MBTPS1: variants seen among roughly 807,000 people sequenced by gnomAD.
MBTPS1 encodes membrane bound transcription factor peptidase, site 1, also known as membrane-bound transcription factor site-1 protease.
MBTPS1 carries 94 observed loss-of-function variants against 127.8 expected under a neutral mutation model. The observed-to-expected ratio is 0.74, with a 90% CI of 0.62 to 0.87. The LOEUF (loss-of-function observed/expected upper bound fraction) is 0.87. Ranked by LOEUF, MBTPS1 falls within the 40% of genes least tolerant of loss-of-function variation. MBTPS1 has a pLI of 0.00. For missense variants in MBTPS1, 1,636 were observed against 1,353.2 expected (o/e 1.21, Z -3.28); for synonymous variants, 632 against 509.4 (o/e 1.24, Z -3.24).
chr16:84,081,927 A>C lies in MBTPS1; in HGVS notation c.1287-19T>G, dbSNP rs759806186. 1.5e-5 allele frequency: 20 copies of C among 1,356,258 alleles called. 1 individual carries two copies. In the South Asian group the frequency reaches 3.8e-4, roughly 26 times the overall value. The allele number at this position is 1,356,258 out of a possible 1,614,324, so 84.0% of individuals were successfully genotyped here. A position where few individuals can be genotyped will look rare whatever the true frequency, so the allele number is the denominator to read the frequency against. On this transcript the variant is annotated intron_variant, in intron 10 of 22. Coordinates refer to ENST00000343411, the MANE Select transcript of MBTPS1 (RefSeq NM_003791.4). The stretch of plus-strand genomic sequence containing the variant: ...GACTGTGCTGGAGGAAAAATCAAGA[A>C]TTGCCTATTTTCTCTCAGTAAAAGA...
intron 20 of MBTPS1, 73 bp from the exon 21 acceptor site, chr16:84,059,501 C>T (rs2085574821): frequency 4.9e-6 from 7 of 1,425,148 alleles, no homozygotes; most frequent in Non-Finnish European, 6.8e-6. Flanking sequence ...AAAGGAGGGC[C>T]TTATTATGAG....
At chr16:84,108,229 GCA>G (rs372441044) in intron 1 of MBTPS1, among the ~76,000 whole-genome samples, 1 of 152,054 alleles carries the variant, frequency 6.6e-6, no homozygotes, top group African/African-American at 2.4e-5. Flanking sequence ...GACAGAGCAT[GCA>G]CACACAGATA....
At chr16:84,099,428 C>T (rs1182620955) in intron 2 of MBTPS1, 118 bp from the exon 3 acceptor site, 20 of 995,352 alleles carry the variant, frequency 2.0e-5, no homozygotes, top group Admixed American at 5.6e-5. Context: ...CCACAGCAGA[C>T]GAGAGAAAAC....
At chr16:84,064,431 T>C (rs2085653360) in intron 18 of MBTPS1, among the ~76,000 whole-genome samples, 1 of 152,164 alleles carries the variant, frequency 6.6e-6, no homozygotes, top group South Asian at 2.1e-4. Context: ...ATAACCCAAA[T>C]TCCTATTTTC....
chr16:84,072,734 G>A (rs1457552144), intron 12 of MBTPS1, among the ~76,000 whole-genome samples: 1 of 152,158 alleles, frequency 6.6e-6, no homozygotes, highest in African/African-American at 2.4e-5. Flanking sequence ...AGCTTGCAGT[G>A]AGCCGAGATC....
chr16:84,116,763 G>GGCCCGGGATAACGGCGCCTCCGC lies in MBTPS1; in HGVS notation c.-376_-354dup, dbSNP rs1191673629. The GGCCCGGGATAACGGCGCCTCCGC allele has an allele frequency of 1.3e-5, 2 of 152,134 alleles. No homozygotes were observed. Among genetic ancestry groups the GGCCCGGGATAACGGCGCCTCCGC allele is most frequent in the Non-Finnish European group, 2.9e-5 (2 of 68,032 alleles). The allele number at this position is 152,134 out of a possible 1,614,324, so 9.4% of individuals were successfully genotyped here. A position where few individuals can be genotyped will look rare whatever the true frequency, so the allele number is the denominator to read the frequency against. On this transcript the variant is annotated 5_prime_UTR_variant, in exon 1 of 23. It removes the in-frame stop codon of an upstream open reading frame in the 5' UTR. Transcript: ENST00000343411. Reference sequence around the variant, plus strand: ...CGCCGCCGGGAGCTCAGGGCCGGCGGGCCCGGGATAACGGCGCCTCCGCGG... The same window carrying GGCCCGGGATAACGGCGCCTCCGC: ...CGCCGCCGGGAGCTCAGGGCCGGCGGGCCCGGGATAACGGCGCCTCCGCGCCCGGGATAACGGCGCCTCCGCGG...
At chr16:84,059,276 G>A (rs566924041) in intron 21 of MBTPS1, 26 bp downstream of exon 21, 1 of 1,602,426 alleles carries the variant, frequency 6.2e-7, no homozygotes. Context: ...CGTGGAAAGA[G>A]TGGAAGGGCA....
intron 18 of MBTPS1, among the ~76,000 whole-genome samples, chr16:84,063,869 G>C (rs2085647119): frequency 6.6e-6 from 1 of 152,160 alleles, no homozygotes; most frequent in Non-Finnish European, 1.5e-5. Context: ...TATGAATACA[G>C]TCATATATAC....
chr16:84,114,139 G>A (rs1355131969), intron 1 of MBTPS1, among the ~76,000 whole-genome samples: 1 of 145,290 alleles, frequency 6.9e-6, no homozygotes, highest in Non-Finnish European at 1.5e-5. Context: ...TAATTTTTTT[G>A]TATTTTAGAG....
At chr16:84,113,428 G>A (rs560613580) in intron 1 of MBTPS1, among the ~76,000 whole-genome samples, 1 of 152,256 alleles carries the variant, frequency 6.6e-6, no homozygotes, top group East Asian at 1.9e-4. Flanking sequence ...TTGACATCAA[G>A]TACTAACTGA....
At chr16:84,065,581 A>C in intron 18 of MBTPS1, 109 bp downstream of exon 18, 1 of 765,188 alleles carries the variant, frequency 1.3e-6, no homozygotes, top group South Asian at 1.5e-5. Context: ...AATTATATGC[A>C]ATAAAGCTTT....
At chr16:84,085,972 G>A (rs1303049473) in intron 9 of MBTPS1, 4 of 152,102 alleles carry the variant, frequency 2.6e-5, no homozygotes, top group Non-Finnish European at 5.9e-5. Context: ...ATAACCACAC[G>A]ACTAACTTGG....
intron 2 of MBTPS1, 144 bp from the exon 3 acceptor site, chr16:84,099,454 A>C: frequency 1.2e-6 from 1 of 829,796 alleles, no homozygotes; most frequent in Non-Finnish European, 1.8e-6. Flanking sequence ...GACTAGTTTA[A>C]GTACCTAGAC....
At chr16:84,080,152 C>A (rs2085919457) in intron 11 of MBTPS1, among the ~76,000 whole-genome samples, 1 of 152,108 alleles carries the variant, frequency 6.6e-6, no homozygotes, top group Admixed American at 6.5e-5. Flanking sequence ...TTGAACGACC[C>A]ACTAAATGAT....
chr16:84,087,195 C>T (rs1047402754), intron 9 of MBTPS1, among the ~76,000 whole-genome samples, 163 bp downstream of exon 9: 5 of 152,204 alleles, frequency 3.3e-5, no homozygotes, highest in East Asian at 1.9e-4. Flanking sequence ...CCAGATCTCT[C>T]GTCCTCACGG....
At chr16:84,111,258 G>A (rs753217027) in intron 1 of MBTPS1, among the ~76,000 whole-genome samples, 34 of 152,246 alleles carry the variant, frequency 2.2e-4, no homozygotes, top group Non-Finnish European at 4.7e-4. Context: ...GCAACAGGCT[G>A]GCTGGGCACA....
intron 10 of MBTPS1, among the ~76,000 whole-genome samples, chr16:84,083,708 C>T (rs1429682195): frequency 6.6e-6 from 1 of 152,020 alleles, no homozygotes; most frequent in East Asian, 1.9e-4. Flanking sequence ...TACTATTTGC[C>T]TATATTAATT....
At chr16:84,108,537 G>A (rs1277859155) in intron 1 of MBTPS1, among the ~76,000 whole-genome samples, 1 of 152,248 alleles carries the variant, frequency 6.6e-6, no homozygotes, top group Non-Finnish European at 1.5e-5. Flanking sequence ...AAAGTGCTGG[G>A]ATTACAGGTG....
rs774516323 is a variant in MBTPS1, at chr16:84,095,719, C to T, written c.508G>A (p.Gly170Ser). The change falls in exon 4 of 23, where the codon GGC (glycine) becomes AGC (serine). Residue 170 changes from glycine to serine, a missense_variant. Transcript: ENST00000343411. Reference sequence around the variant, plus strand: ...CCCGTAGCATGCCAGAAGCCAGAGCCCAGGGAGAGGCTGGCTCTTCGCAGG... The same window carrying T: ...CCCGTAGCATGCCAGAAGCCAGAGCTCAGGGAGAGGCTGGCTCTTCGCAGG... ...RPLRRASLSL[G>S]SGFWHATGRH... The T allele has an allele frequency of 6.2e-7, 1 of 1,614,220 alleles. No individual in the cohort carries two copies. Among genetic ancestry groups the T allele is most frequent in the South Asian group, 1.1e-5 (1 of 91,092 alleles).
Sources: allele counts gnomAD v4.1 joint callset (sites outside exome capture counted in the v4.1 genomes callset), GRCh38; gene constraint gnomAD v4.1.1; transcripts MANE v1.5; gene names NCBI Gene and HGNC (gene_info 2026-07-23, HGNC 2026-07-21).